Variants in TAF1 observed in about 807,000 individuals in gnomAD.
TAF1 encodes the protein transcription initiation factor TFIID subunit 1.
Under a neutral mutation model 138.5 loss-of-function variants are expected in TAF1, and 2 were observed. The ratio of observed to expected loss-of-function variants is 0.01; its 90% CI spans 0.01 to 0.05. The LOEUF (loss-of-function observed/expected upper bound fraction) is 0.05. Ranked by LOEUF, TAF1 falls within the 10% of genes least tolerant of loss-of-function variation. The probability of loss-of-function intolerance (pLI) is 1.00; values close to 1 mark genes in which losing one functional copy is unlikely to be tolerated. For synonymous variants in TAF1, 437 were observed against 503.2 expected, an observed-to-expected ratio of 0.87 and a Z score of 1.76; for missense variants, 709 against 1,478.0, an observed-to-expected ratio of 0.48 and a Z score of 8.53.
rs184249829 is a variant in TAF1 at position 71,450,659 on chromosome X, C to T, written c.4754-3511C>T. On this transcript the variant is annotated intron_variant, in intron 32 of 37. Transcript: ENST00000423759. ...ACTATTTTTCCATTGCATTGTATTGCCCTATTTGTTTACAGTCTATTTCAC... is the reference window on the plus strand; with the variant it reads ...ACTATTTTTCCATTGCATTGTATTGTCCTATTTGTTTACAGTCTATTTCAC... Among the ~76,000 whole-genome samples, 118 of 112,207 alleles carry T rather than the reference C, an allele frequency of 1.1e-3. 1 individual carries two copies. Among genetic ancestry groups the T allele is most frequent in the African/African-American group, 3.8e-3 (116 of 30,897 alleles).
At chrX:71,436,921 CTG>C (rs762412109) in intron 32 of TAF1, among the ~76,000 whole-genome samples, 9 of 111,729 alleles carry the variant, frequency 8.1e-5, no homozygotes, top group African/African-American at 1.6e-4. Context: ...TTTGGAGAAA[CTG>C]TATATCTTTA....
rs1238880295 is a variant in TAF1, at chrX:71,377,641, T to G, written c.753T>G (p.Asn251Lys). The G allele has an allele frequency of 2.5e-6, 3 of 1,209,631 alleles. No individual in the cohort carries two copies. Among genetic ancestry groups the G allele is most frequent in the Admixed American group, 2.2e-5 (1 of 45,519 alleles). ...TACGTCTTTTTGGACCAGGGAAGAA[T>G]GTCCCATCTGTTTGGCGGAGTGCTC... ...RFLRLFGPGK[N>K]VPSVWRSARR... is the part of the protein sequence containing the mutation. The change falls in exon 6 of 38, where the codon AAT (asparagine) becomes AAG (lysine). Residue 251 changes from asparagine (N) to lysine (K), a missense_variant. This residue lies in a region of TAF1 where 16 missense variants were observed against 42.1 expected (regional missense o/e 0.38). Coordinates refer to ENST00000423759, the MANE Select transcript of TAF1 (RefSeq NM_004606.5).
intron 28 of TAF1, chrX:71,420,104 C>T (rs1158779941): frequency 2.7e-5 from 12 of 445,956 alleles, no homozygotes; most frequent in East Asian, 4.3e-5. Context: ...ACCATGATGT[C>T]GCTCTAGCCT....
At chrX:71,527,386 C>CAAAAA (rs397952861) in intron 13 of TAF1, among the ~76,000 whole-genome samples, 2 of 43,386 alleles carry the variant, frequency 4.6e-5, no homozygotes, top group Non-Finnish European at 4.8e-5. Flanking sequence ...AACTCCGTCT[C>CAAAAA]AAAAAAAAAA....
At chrX:71,462,293 T>TC (rs1249708904) in intron 37 of TAF1, among the ~76,000 whole-genome samples, 1 of 110,560 alleles carries the variant, frequency 9.0e-6, no homozygotes, top group African/African-American at 3.3e-5. Context: ...AAAAATAACT[T>TC]CCAGCCGGGC....
intron 13 of TAF1, among the ~76,000 whole-genome samples, chrX:71,494,283 C>T (rs768230552): frequency 3.6e-5 from 4 of 109,961 alleles, no homozygotes; most frequent in East Asian, 2.9e-4. Context: ...ATTAGCCGGG[C>T]GTGGTGGCAC....
intron 24 of TAF1, among the ~76,000 whole-genome samples, chrX:71,400,235 G>A (rs748354719): frequency 2.4e-4 from 26 of 109,769 alleles, no homozygotes; most frequent in Admixed American, 3.9e-4. Context: ...GATTACAGGC[G>A]TGCACCACCA....
In TAF1 at chrX:71,454,836, C is replaced by A; in HGVS notation, c.4917C>A (p.Thr1639=). ...EAELESLDPM[T]PGPYTPQPPD... is the part of the protein sequence containing the mutation. The stretch of plus-strand genomic sequence containing the variant: ...AATTAGAAAGCCTGGACCCAATGAC[C>A]CCAGGGCCCTACACGCCTCAGGTGA... The change falls in exon 34 of 38, where the codon ACC becomes ACA. Residue 1639 remains threonine (T), a synonymous_variant. Coordinates refer to ENST00000423759, the MANE Select transcript of TAF1 (RefSeq NM_004606.5). 8.3e-7 allele frequency: 1 copy of A among 1,210,174 alleles called. No individual in the cohort carries two copies. The highest frequency in any genetic ancestry group is 1.1e-6 in the Non-Finnish European group (1 of 894,874).
In TAF1 at chrX:71,366,509, GTGGGGGTA is replaced by G; in HGVS notation, c.120+16_120+23del. The stretch of plus-strand genomic sequence containing the variant: ...TCTTGGATGATGTGAGGGGGTGGGC[GTGGGGGTA>G]GGGCTCGGGGGGTGGGGCTAAGCAG... On this transcript the variant is annotated intron_variant, in intron 1 of 37. Coordinates refer to ENST00000423759, the MANE Select transcript of TAF1 (RefSeq NM_004606.5). The G allele has an allele frequency of 1.9e-6, 2 of 1,031,909 alleles. No homozygotes were observed. Among genetic ancestry groups the G allele is most frequent in the Non-Finnish European group, 2.6e-6 (2 of 770,509 alleles). 85.0% of individuals were successfully genotyped at this position (1,031,909 alleles called of 1,213,427 possible).
chrX:71,491,012 G>A (rs1027105496), intron 13 of TAF1: 1 of 104,894 alleles, frequency 9.5e-6, no homozygotes, highest in African/African-American at 3.5e-5. Context: ...CCACCAAGCT[G>A]GGTTTTTTTG....
At chrX:71,496,223 CGG>C (rs1363202324) in intron 13 of TAF1, among the ~76,000 whole-genome samples, 1 of 112,088 alleles carries the variant, frequency 8.9e-6, no homozygotes, top group African/African-American at 3.2e-5. Flanking sequence ...TAGATCTGGT[CGG>C]ACCTTTGTGT....
intron 28 of TAF1, chrX:71,420,568 C>G (rs1352946390): frequency 8.3e-7 from 1 of 1,208,349 alleles, no homozygotes; most frequent in South Asian, 1.8e-5. Context: ...TCATCTGCTT[C>G]TCTACCTCGT....
intron 32 of TAF1, among the ~76,000 whole-genome samples, chrX:71,444,296 C>T (rs1300613572): frequency 8.9e-6 from 1 of 112,311 alleles, no homozygotes; most frequent in Non-Finnish European, 1.9e-5. Flanking sequence ...TCGTGAGCCA[C>T]CTCGCTCGGC....
At chrX:71,454,579 C>T (rs139594262) in intron 33 of TAF1, among the ~76,000 whole-genome samples, 162 bp from the exon 34 acceptor site, 2 of 111,927 alleles carry the variant, frequency 1.8e-5, no homozygotes, top group Non-Finnish European at 3.8e-5. Context: ...CCCAACTCCG[C>T]ATCCCCTGTT....
At chrX:71,495,021 A>C (rs147660333) in intron 13 of TAF1, among the ~76,000 whole-genome samples, 1 of 111,782 alleles carries the variant, frequency 8.9e-6, no homozygotes, top group South Asian at 3.7e-4. Flanking sequence ...ACAATCCTCT[A>C]GCTAGACAGA....
chrX:71,390,247 A>G (rs767255515), intron 18 of TAF1, among the ~76,000 whole-genome samples: 1 of 111,821 alleles, frequency 8.9e-6, no homozygotes, highest in Admixed American at 9.5e-5. Context: ...GGCCTTGCAT[A>G]TTAATCTGAC....
At chrX:71,497,926 C>A (rs1337463179) in intron 13 of TAF1, among the ~76,000 whole-genome samples, 1 of 111,874 alleles carries the variant, frequency 8.9e-6, no homozygotes, top group Admixed American at 9.5e-5. Flanking sequence ...TCATTCCTTG[C>A]TGATGGCCCT....
At chrX:71,372,866 C>A (rs1290987174) in intron 3 of TAF1, among the ~76,000 whole-genome samples, 2 of 111,587 alleles carry the variant, frequency 1.8e-5, no homozygotes, top group East Asian at 5.6e-4. Context: ...GCTATACTTA[C>A]TTTTTTGTTT....
At chrX:71,444,046 C>T (rs2037560397) in intron 32 of TAF1, among the ~76,000 whole-genome samples, 1 of 110,729 alleles carries the variant, frequency 9.0e-6, no homozygotes, top group African/African-American at 3.3e-5. Flanking sequence ...CTTGCTCTGT[C>T]GCCCAGGCTG....
Sources: allele counts gnomAD v4.1 joint callset (sites outside exome capture counted in the v4.1 genomes callset), GRCh38; gene constraint gnomAD v4.1.1; regional missense constraint gnomAD v4.1.1; transcripts MANE v1.5; gene names NCBI Gene and HGNC (gene_info 2026-07-23, HGNC 2026-07-21).